The following PCDH9 variants were observed in gnomAD, a reference collection of about 807,000 sequenced individuals.
PCDH9 encodes the protein protocadherin-9.
PCDH9 carries 24 observed loss-of-function variants against 70.6 expected under a neutral mutation model. That is an observed-to-expected ratio of 0.34 (90% confidence interval 0.25 to 0.48). The LOEUF is 0.48. PCDH9 is among the 20% of genes least tolerant of loss of function. The pLI, the probability that PCDH9 is intolerant of heterozygous loss-of-function variation, is 0.99. For synonymous variants in PCDH9, 562 were observed against 558.5 expected (o/e 1.01, Z -0.09); for missense variants, 1,281 against 1,503.6 (o/e 0.85, Z 2.45).
chr13:66,376,111 T>C (rs985814064), intron 4 of PCDH9, among the ~76,000 whole-genome samples: 1 of 152,128 alleles, frequency 6.6e-6, no homozygotes, highest in Non-Finnish European at 1.5e-5. Context: ...CCCCCAGATT[T>C]ACCACTACCA....
intron 4 of PCDH9, among the ~76,000 whole-genome samples, chr13:66,318,826 C>G (rs1290952716): frequency 6.6e-6 from 1 of 152,116 alleles, no homozygotes; most frequent in African/African-American, 2.4e-5. Flanking sequence ...ATTAAATATG[C>G]TTTATTATTT....
chr13:67,181,135 C>T (rs1174037507), intron 2 of PCDH9, among the ~76,000 whole-genome samples: 1 of 152,128 alleles, frequency 6.6e-6, no homozygotes, highest in Non-Finnish European at 1.5e-5. Context: ...AAGGCATTAA[C>T]ATAATGCTGG....
chr13:66,816,050 A>G (rs1171365761), intron 3 of PCDH9, among the ~76,000 whole-genome samples: 1 of 152,332 alleles, frequency 6.6e-6, no homozygotes, highest in East Asian at 1.9e-4. Context: ...AAATGCAGTT[A>G]CTTTCCATGA....
chr13:66,646,068 C>T (rs1012743991), intron 3 of PCDH9, among the ~76,000 whole-genome samples: 1 of 152,164 alleles, frequency 6.6e-6, no homozygotes, highest in Non-Finnish European at 1.5e-5. Flanking sequence ...TGTTTGAATT[C>T]CTGTGTGGAA....
chr13:66,384,445 T>C (rs544967093), intron 4 of PCDH9, among the ~76,000 whole-genome samples: 1 of 152,336 alleles, frequency 6.6e-6, no homozygotes, highest in Non-Finnish European at 1.5e-5. Context: ...TAAAATATAA[T>C]GCTTGATACA....
At chr13:66,358,334 A>T (rs1277689078) in intron 4 of PCDH9, among the ~76,000 whole-genome samples, 1 of 152,002 alleles carries the variant, frequency 6.6e-6, no homozygotes, top group Non-Finnish European at 1.5e-5. Context: ...TTTCTTTAAA[A>T]GTGAACTACT....
intron 4 of PCDH9, among the ~76,000 whole-genome samples, chr13:66,343,954 TTTAA>T (rs1371258398): frequency 1.3e-5 from 2 of 152,306 alleles, no homozygotes; most frequent in Admixed American, 6.5e-5. Flanking sequence ...ACTCATAATC[TTTAA>T]TTATTTGTTT....
At chr13:67,123,357 G>A (rs2086913361) in intron 2 of PCDH9, among the ~76,000 whole-genome samples, 1 of 152,146 alleles carries the variant, frequency 6.6e-6, no homozygotes, top group Non-Finnish European at 1.5e-5. Context: ...CAGTTAGTGA[G>A]AATCAAGACT....
intron 4 of PCDH9, among the ~76,000 whole-genome samples, chr13:66,410,796 C>T (rs1957357375): frequency 6.6e-6 from 1 of 152,066 alleles, no homozygotes; most frequent in Non-Finnish European, 1.5e-5. Flanking sequence ...AAATAAAATG[C>T]CGATTTTTTT....
At chr13:66,390,899 A>AGCAT (rs1173148811) in intron 4 of PCDH9, among the ~76,000 whole-genome samples, 1 of 152,186 alleles carries the variant, frequency 6.6e-6, no homozygotes, top group Non-Finnish European at 1.5e-5. Context: ...TATAGAGTAG[A>AGCAT]GCATGCCAAG....
intron 2 of PCDH9, among the ~76,000 whole-genome samples, chr13:67,014,289 A>G (rs2084513578): frequency 6.6e-6 from 1 of 152,126 alleles, no homozygotes; most frequent in Non-Finnish European, 1.5e-5. Flanking sequence ...AACTAGCAAT[A>G]TGTAGAGGTA....
In PCDH9 at chr13:66,378,644, T is replaced by C. The variant is rs552535612; in HGVS notation, c.3341-73616A>G. Among the ~76,000 whole-genome samples, 17 of 152,348 alleles carry C rather than the reference T, an allele frequency of 1.1e-4. No individual in the cohort carries two copies. The East Asian group carries it at 1.2e-3, about 10-fold the overall frequency. ...GGTTAGGAAATGCTCTTGTGTATCA[T>C]TATCATAGTTATTCTTGTAAATAAG... On this transcript the variant is annotated intron_variant, in intron 4 of 4. Coordinates refer to ENST00000377865, the MANE Select transcript of PCDH9 (RefSeq NM_203487.3).
In PCDH9 at chr13:67,158,395, C is replaced by G. The variant is rs557224490; in HGVS notation, c.3036+67010G>C. Among the ~76,000 whole-genome samples the G allele has an allele frequency of 3.3e-5, 5 of 152,278 alleles. No homozygotes were observed. In the East Asian group the frequency reaches 9.7e-4, roughly 29 times the overall value. On this transcript the variant is annotated intron_variant, in intron 2 of 4. Transcript: ENST00000377865. ...AATGAAAGGCCCTAAAGCATGAATA[C>G]TGCTATGGACTGAATGTGTTTTCCC...
At position 66,397,479 on chromosome 13, in the gene PCDH9, T is replaced by TAC. The variant is rs71106968; in HGVS notation, c.3341-92452_3341-92451insGT. Among the ~76,000 whole-genome samples, 12 of 1,418 alleles carry TAC rather than the reference T, an allele frequency of 8.5e-3. No homozygotes were observed. In the Admixed American group the frequency reaches 0.22, roughly 26 times the overall value. The allele number at this position is 1,418 out of a possible 152,430, so 0.9% of individuals were successfully genotyped here. Reference sequence around the variant, plus strand: ...GTGTATATATATATGTGTGTGTGTGTATATATATATATGTATACACACACA... The same window carrying TAC: ...GTGTATATATATATGTGTGTGTGTGTACATATATATATATGTATACACACACA... On this transcript the variant is annotated intron_variant, in intron 4 of 4. Coordinates refer to ENST00000377865, the MANE Select transcript of PCDH9 (RefSeq NM_203487.3).
chr13:66,470,349 C>T (rs1252781869), intron 4 of PCDH9, among the ~76,000 whole-genome samples: 3 of 152,156 alleles, frequency 2.0e-5, no homozygotes, highest in Admixed American at 2.0e-4. Flanking sequence ...GCACACCTAA[C>T]ACATGGTTTG....
In PCDH9 at chr13:66,731,730, A is replaced by G. The variant is rs576443550; in HGVS notation, c.3139-100319T>C. On this transcript the variant is annotated intron_variant, in intron 3 of 4. Coordinates refer to ENST00000377865, the MANE Select transcript of PCDH9 (RefSeq NM_203487.3). Reference sequence around the variant, plus strand: ...GCCCAAAATAAAGGAGATATATTATAAATACCATACCTCAAACCAAGACTG... The same window carrying G: ...GCCCAAAATAAAGGAGATATATTATGAATACCATACCTCAAACCAAGACTG... 2.0e-5 allele frequency among the ~76,000 whole-genome samples: 3 copies of G among 152,268 alleles called. No individual in the cohort carries two copies. In the South Asian group the frequency reaches 6.2e-4, roughly 32 times the overall value.
intron 2 of PCDH9, among the ~76,000 whole-genome samples, chr13:67,092,363 T>C (rs186089588): frequency 1.9e-3 from 282 of 152,116 alleles, no homozygotes; most frequent in Non-Finnish European, 2.2e-3. Flanking sequence ...ACTCAATATG[T>C]AGCAAAGCAA....
chr13:67,123,055 C>T (rs977766121), intron 2 of PCDH9, among the ~76,000 whole-genome samples: 17 of 151,940 alleles, frequency 1.1e-4, no homozygotes, highest in African/African-American at 3.6e-4. Flanking sequence ...ATTCCTTAAT[C>T]GATATGTTAA....
At chr13:66,597,687 A>G (rs1022919549) in intron 4 of PCDH9, among the ~76,000 whole-genome samples, 1 of 151,844 alleles carries the variant, frequency 6.6e-6, no homozygotes, top group African/African-American at 2.4e-5. Context: ...TTTCCTGGAT[A>G]TGACACCAAA....
Sources: gnomAD v4.1 joint callset for allele counts (sites outside exome capture counted in the v4.1 genomes callset) on GRCh38, gnomAD v4.1.1 for gene constraint, MANE v1.5 for transcripts, NCBI Gene and HGNC (gene_info 2026-07-23, HGNC 2026-07-21) for gene names.